Variants in ZC3H12C observed in about 807,000 individuals in gnomAD.
The protein encoded by ZC3H12C is zinc finger CCCH-type containing 12C.
ZC3H12C carries 20 observed loss-of-function variants against 76.3 expected under a neutral mutation model. That is an observed-to-expected ratio of 0.26 (90% CI 0.18 to 0.38). The LOEUF is 0.38. ZC3H12C is among the 10% of genes least tolerant of loss of function. The probability of loss-of-function intolerance (pLI) is 1.00; values close to 1 mark genes in which losing one functional copy is unlikely to be tolerated. For missense variants in ZC3H12C, 874 were observed against 1,086.5 expected (o/e 0.80, Z 2.75); for synonymous variants, 352 against 399.6 (o/e 0.88, Z 1.42).
At chr11:110,118,248 T>C (rs919215493) in intron 1 of ZC3H12C, among the ~76,000 whole-genome samples, 9 of 151,496 alleles carry the variant, frequency 5.9e-5, no homozygotes, top group Admixed American at 5.3e-4. Flanking sequence ...GATCAAGAGA[T>C]ATAAAAATTG....
chr11:110,152,880 G>A, intron 2 of ZC3H12C, 39 bp from the exon 3 acceptor site: 1 of 1,588,966 alleles, frequency 6.3e-7, no homozygotes, highest in Non-Finnish European at 8.6e-7. Flanking sequence ...TTAAATTTAG[G>A]TTTTGTTGTG....
chr11:110,132,257 C>T (rs1489145106), intron 1 of ZC3H12C, among the ~76,000 whole-genome samples: 1 of 151,556 alleles, frequency 6.6e-6, no homozygotes, highest in South Asian at 2.1e-4. Flanking sequence ...TGATTTGAGA[C>T]GAAGAATTAT....
intron 2 of ZC3H12C, among the ~76,000 whole-genome samples, chr11:110,140,455 T>C (rs1460660214): frequency 6.6e-6 from 1 of 152,206 alleles, no homozygotes; most frequent in Non-Finnish European, 1.5e-5. Context: ...CATTTCAGCT[T>C]CTTCCAGATT....
Position 110,124,444 on chromosome 11 carries a change from AGAATGAAT to A in ZC3H12C, c.22-12217_22-12210del, listed in dbSNP as rs1425335038. Among the ~76,000 whole-genome samples, 9 of 152,256 alleles carry A rather than the reference AGAATGAAT, an allele frequency of 5.9e-5. No homozygotes were observed. In the East Asian group the frequency reaches 1.7e-3, roughly 29 times the overall value. On this transcript the variant is annotated intron_variant, in intron 1 of 5. Transcript: ENST00000278590. ...TTGGTTGTACTATGTAGATTATGGG[AGAATGAAT>A]GGTTCTGCTCTCAAGAAGCCTACAT...
intron 1 of ZC3H12C, among the ~76,000 whole-genome samples, chr11:110,111,971 G>C (rs1176875554): frequency 2.7e-5 from 2 of 75,052 alleles, no homozygotes; most frequent in East Asian, 2.0e-3. Flanking sequence ...ATGCACACGT[G>C]CACACATGTA....
intron 4 of ZC3H12C, among the ~76,000 whole-genome samples, chr11:110,160,096 A>G (rs2134198096): frequency 6.6e-6 from 1 of 152,390 alleles, no homozygotes; most frequent in African/African-American, 2.4e-5. Flanking sequence ...ATATCTAAAC[A>G]TACCTAAACA....
chr11:110,134,799 C>A (rs1861925876), intron 1 of ZC3H12C, among the ~76,000 whole-genome samples: 1 of 152,114 alleles, frequency 6.6e-6, no homozygotes, highest in South Asian at 2.1e-4. Context: ...TGTCTATCTT[C>A]TCAGGGAATA....
intron 1 of ZC3H12C, among the ~76,000 whole-genome samples, chr11:110,099,962 GCTTT>G (rs576921621): frequency 1.1e-4 from 16 of 151,176 alleles, no homozygotes; most frequent in Non-Finnish European, 2.4e-4. Context: ...TTTCTTTTCT[GCTTT>G]CTGTCTCTGC....
rs546846350 is a variant in ZC3H12C at position 110,166,630 on chromosome 11, T to C, written c.*893T>C. 3 of 152,340 alleles carry C rather than the reference T, an allele frequency of 2.0e-5. No individual in the cohort carries two copies. The highest frequency in any genetic ancestry group is 7.2e-5 in the African/African-American group (3 of 41,580). 9.4% of individuals were successfully genotyped at this position (152,340 alleles called of 1,614,324 possible). ...CCTGTATTTTTAATATGTCTGTCTTTTTGTTTTGGGGCACAACAATACTGG... is the reference window on the plus strand; with the variant it reads ...CCTGTATTTTTAATATGTCTGTCTTCTTGTTTTGGGGCACAACAATACTGG... On this transcript the variant is annotated 3_prime_UTR_variant, in exon 6 of 6. Transcript: ENST00000278590.
At chr11:110,113,106 A>G (rs17110748) in intron 1 of ZC3H12C, among the ~76,000 whole-genome samples, 4,906 of 152,202 alleles carry the variant, frequency 0.032, 159 homozygotes, top group East Asian at 0.086. Context: ...CCTGCCAAAC[A>G]TATGCTGTCA....
chr11:110,118,053 TTATA>T (rs886546174), intron 1 of ZC3H12C, among the ~76,000 whole-genome samples: 1 of 74,394 alleles, frequency 1.3e-5, no homozygotes, highest in Non-Finnish European at 2.9e-5. Context: ...CACATATATA[TTATA>T]TATATACACA....
intron 1 of ZC3H12C, among the ~76,000 whole-genome samples, chr11:110,120,971 G>A (rs1467703646): frequency 6.6e-6 from 1 of 152,160 alleles, no homozygotes; most frequent in African/African-American, 2.4e-5. Flanking sequence ...AAAAGTACTT[G>A]GGAAGAAAGA....
At position 110,164,385 on chromosome 11, in the gene ZC3H12C, G is replaced by A. The variant is rs764161763; in HGVS notation, c.1300G>A (p.Glu434Lys). Residue 434 changes from glutamate (E) to lysine (K), a missense_variant, in exon 6 of 6, where the codon GAA becomes AAA. Around this residue, in one of 3 missense-constraint regions of ZC3H12C, gnomAD observed 269 missense variants for 424.9 expected, o/e 0.63. Coordinates refer to ENST00000278590, the MANE Select transcript of ZC3H12C (RefSeq NM_033390.2). This position sits in a 1 kb window ranked among gnomAD's most constrained non-coding sequence, Gnocchi z 5.7. ...YGHKCKYYHP[E>K]RGSQPQRSVA... ...ACACAAGTGCAAATATTACCATCCC[G>A]AAAGGGGCAGTCAGCCACAGCGGTC... is the stretch of plus-strand genomic sequence containing the variant. 6.8e-6 allele frequency: 11 copies of A among 1,613,570 alleles called. No homozygotes were observed. The highest frequency in any genetic ancestry group is 1.1e-5 in the South Asian group (1 of 91,020).
rs539025489 is a variant in ZC3H12C at position 110,143,457 on chromosome 11, T to C, written c.773+6043T>C. ...CTAAAATATGAGAAAAAAATAAAAT[T>C]AATTCACCAAATATTTGAAGAGTAC... On this transcript the variant is annotated intron_variant, in intron 2 of 5. Transcript: ENST00000278590. Among the ~76,000 whole-genome samples the C allele has an allele frequency of 2.0e-4, 31 of 152,010 alleles. 1 individual carries two copies. The South Asian group carries it at 4.2e-3, about 20-fold the overall frequency.
rs972697950 is a variant in ZC3H12C at position 110,137,042 on chromosome 11, A to G, written c.401A>G (p.Asn134Ser). 12 of 1,613,760 alleles carry G rather than the reference A, an allele frequency of 7.4e-6. No individual in the cohort carries two copies. In the African/African-American group the frequency reaches 1.2e-4, roughly 16 times the overall value. The stretch of plus-strand genomic sequence containing the variant: ...TTAGAGCCTCACATACTCAAGCGCA[A>G]TGAAATTTTGCAAGACTTTAAACCT... The part of the protein sequence containing the change: ...PCLEPHILKR[N>S]EILQDFKPEE... The change falls in exon 2 of 6, where the codon AAT (asparagine) becomes AGT (serine). Residue 134 changes from asparagine to serine, a missense_variant. Physicochemically the swap from Asn to Ser is conservative, Grantham distance 46 (BLOSUM62 1). Around this residue, in one of 3 missense-constraint regions of ZC3H12C, gnomAD observed 210 missense variants for 227.1 expected, o/e 0.92. Coordinates refer to ENST00000278590, the MANE Select transcript of ZC3H12C (RefSeq NM_033390.2).
chr11:110,117,575 T>C (rs1316931164), intron 1 of ZC3H12C, among the ~76,000 whole-genome samples: 1 of 149,996 alleles, frequency 6.7e-6, no homozygotes, highest in African/African-American at 2.4e-5. Flanking sequence ...ACAACCATAT[T>C]TTATCCTTTT....
chr11:110,130,468 C>T (rs1330012038), intron 1 of ZC3H12C, among the ~76,000 whole-genome samples: 2 of 152,078 alleles, frequency 1.3e-5, no homozygotes, highest in Non-Finnish European at 2.9e-5. Context: ...TTTGACTATA[C>T]CCTTCTGTCT....
chr11:110,129,179 T>G (rs1861814561), intron 1 of ZC3H12C, among the ~76,000 whole-genome samples: 1 of 152,176 alleles, frequency 6.6e-6, no homozygotes. Flanking sequence ...TCAAAAATAT[T>G]TTCACTGATT....
rs905744618 is a variant in ZC3H12C, at chr11:110,170,153, C to T, written c.*4416C>T. 2.0e-5 allele frequency: 3 copies of T among 152,236 alleles called. No individual in the cohort carries two copies. Among genetic ancestry groups the T allele is most frequent in the Non-Finnish European group, 1.5e-5 (1 of 67,984 alleles). The allele number at this position is 152,236 out of a possible 1,614,324, so 9.4% of individuals were successfully genotyped here. The stretch of plus-strand genomic sequence containing the variant: ...ATCTTAATTCATTTGAGTTTTCTTA[C>T]CTGTTTACACCCATTATTTATTAGA... On this transcript the variant is annotated 3_prime_UTR_variant, in exon 6 of 6. Coordinates refer to ENST00000278590, the MANE Select transcript of ZC3H12C (RefSeq NM_033390.2).
Sources: gnomAD v4.1 joint callset for allele counts (sites outside exome capture counted in the v4.1 genomes callset) on GRCh38, gnomAD v4.1.1 for gene constraint, gnomAD v4.1.1 regional missense constraint, Gnocchi (gnomAD v3.1) non-coding constraint, MANE v1.5 for transcripts, NCBI Gene and HGNC (gene_info 2026-07-23, HGNC 2026-07-21) for gene names.